CD8B2: variants seen among roughly 807,000 people sequenced by gnomAD.
CD8B2 encodes the protein CD8B family member 2, also known as T-cell surface glycoprotein CD8 beta-2 chain.
A neutral mutation model predicts 23.7 loss-of-function variants in CD8B2; 11 were observed. That is an observed-to-expected ratio of 0.46 (90% CI 0.29 to 0.77). The LOEUF is 0.77. Among genes scored for constraint, CD8B2 ranks in the 30% least tolerant of loss-of-function variants. The pLI, the probability that CD8B2 is intolerant of heterozygous loss-of-function variation, is 0.09. For synonymous variants in CD8B2, 90 were observed against 109.3 expected (o/e 0.82, Z 1.10); for missense variants, 197 against 270.5 (o/e 0.73, Z 1.91).
At chr2:106,517,467 C>T (rs1031739974) in intron 5 of CD8B2, among the ~76,000 whole-genome samples, 4 of 152,086 alleles carry the variant, frequency 2.6e-5, no homozygotes, top group African/African-American at 9.7e-5. Context: ...CGCTGACTCT[C>T]GGTTGCCTGT....
At chr2:106,531,257 A>G (rs566004077) in intron 5 of CD8B2, among the ~76,000 whole-genome samples, 18 of 152,308 alleles carry the variant, frequency 1.2e-4, no homozygotes, top group African/African-American at 4.1e-4. Flanking sequence ...ACACTCAGAC[A>G]TAGTAGATAC....
At chr2:106,515,041 G>T (rs1679706286), downstream of CD8B2, among the ~76,000 whole-genome samples, 1 of 152,220 alleles carries the variant, frequency 6.6e-6, no homozygotes, top group African/African-American at 2.4e-5. Context: ...AAAACAGTCT[G>T]CCTCTCCCAG....
chr2:106,536,936 C>G (rs1226336156), intron 5 of CD8B2, among the ~76,000 whole-genome samples: 1 of 152,238 alleles, frequency 6.6e-6, no homozygotes, highest in Non-Finnish European at 1.5e-5. Flanking sequence ...GGCTGTCCAG[C>G]AGGCTAACTG....
At chr2:106,536,794 G>A (rs1680097650) in intron 5 of CD8B2, among the ~76,000 whole-genome samples, 1 of 152,136 alleles carries the variant, frequency 6.6e-6, no homozygotes, top group African/African-American at 2.4e-5. Context: ...AGTTAATTAT[G>A]GGTGTGATGT....
chr2:106,495,410 G>A (rs1448948979), intron 2 of CD8B2, among the ~76,000 whole-genome samples: 3 of 152,178 alleles, frequency 2.0e-5, no homozygotes, highest in South Asian at 2.1e-4. Flanking sequence ...GCAGTGGTAC[G>A]CGCCTGTAAT....
chr2:106,487,716 A>G (rs1416524041), intron 1 of CD8B2, among the ~76,000 whole-genome samples: 1 of 152,174 alleles, frequency 6.6e-6, no homozygotes, highest in Non-Finnish European at 1.5e-5. Flanking sequence ...GCCTGGACGC[A>G]GGAGAAGGGG....
intron 5 of CD8B2, among the ~76,000 whole-genome samples, chr2:106,538,580 T>C (rs1486997288): frequency 6.6e-6 from 1 of 152,136 alleles, no homozygotes; most frequent in African/African-American, 2.4e-5. Context: ...CTTTGCGCTA[T>C]CTAGAGCCGA....
At chr2:106,497,475 G>A (rs1679321818) in intron 3 of CD8B2, among the ~76,000 whole-genome samples, 1 of 152,106 alleles carries the variant, frequency 6.6e-6, no homozygotes, top group East Asian at 1.9e-4. Context: ...CAGCCCAAAC[G>A]TGTTTCTGGA....
intron 2 of CD8B2, among the ~76,000 whole-genome samples, chr2:106,494,535 C>T (rs1679263044): frequency 6.6e-6 from 1 of 151,884 alleles, no homozygotes; most frequent in Non-Finnish European, 1.5e-5. Context: ...TACTCCCTCT[C>T]CTTCCATTTT....
chr2:106,527,940 C>T (rs1679937873), intron 5 of CD8B2, among the ~76,000 whole-genome samples: 1 of 152,180 alleles, frequency 6.6e-6, no homozygotes. Context: ...TGGCTCAATG[C>T]AATTATTTTC....
intron 2 of CD8B2, among the ~76,000 whole-genome samples, chr2:106,494,666 C>T (rs1456914311): frequency 6.6e-6 from 1 of 152,096 alleles, no homozygotes; most frequent in Non-Finnish European, 1.5e-5. Flanking sequence ...TCTTCCTTTG[C>T]TCTGGGTGCC....
chr2:106,505,681 C>T (rs1160701805), intron 5 of CD8B2, among the ~76,000 whole-genome samples: 4 of 152,162 alleles, frequency 2.6e-5, no homozygotes, highest in African/African-American at 4.8e-5. Context: ...ATATTTATAT[C>T]GAGAGTGGCT....
rs1014897617 is a variant in CD8B2, at chr2:106,508,817, A to G, written c.*1877A>G. ...TCAATCCAGGGCAGTCTCCCTTTCC[A>G]TCTGAGATGCAGTGGAAGGGGGAGG... On this transcript the variant is annotated 3_prime_UTR_variant, in exon 6 of 6. Transcript: ENST00000643224. 3.1e-4 allele frequency: 47 copies of G among 152,380 alleles called. No homozygotes were observed. The highest frequency in any genetic ancestry group is 1.1e-3 in the African/African-American group (44 of 41,566). 9.4% of individuals were successfully genotyped at this position (152,380 alleles called of 1,614,324 possible). A position where few individuals can be genotyped will look rare whatever the true frequency, so the allele number is the denominator to read the frequency against.
intron 5 of CD8B2, among the ~76,000 whole-genome samples, chr2:106,504,613 G>A (rs1679471097): frequency 6.6e-6 from 1 of 152,040 alleles, no homozygotes; most frequent in Non-Finnish European, 1.5e-5. Context: ...TGTATAAATA[G>A]GTGGGGTGAT....
At chr2:106,528,271 T>G (rs1464091946) in intron 5 of CD8B2, among the ~76,000 whole-genome samples, 2 of 152,258 alleles carry the variant, frequency 1.3e-5, no homozygotes, top group East Asian at 1.9e-4. Flanking sequence ...TTAGAGTTAT[T>G]GTGATTTTAG....
chr2:106,507,238 C>T lies in CD8B2; in HGVS notation c.*298C>T, dbSNP rs1405501175. On this transcript the variant is annotated 3_prime_UTR_variant, in exon 6 of 6. Coordinates refer to ENST00000643224, the MANE Select transcript of CD8B2 (RefSeq NM_001349727.2). ...CCACCGCTTCCGGCTCCTGTGCTTT[C>T]CCTGAGCTGGGACCTTTAGTGGTGG... 6 of 1,215,318 alleles carry T rather than the reference C, an allele frequency of 4.9e-6. No individual in the cohort carries two copies. The highest frequency in any genetic ancestry group is 6.2e-6 in the Non-Finnish European group (6 of 972,502). The allele number at this position is 1,215,318 out of a possible 1,614,324, so 75.3% of individuals were successfully genotyped here. A position where few individuals can be genotyped will look rare whatever the true frequency, so the allele number is the denominator to read the frequency against.
intron 4 of CD8B2, among the ~76,000 whole-genome samples, chr2:106,502,872 G>A (rs1679439087): frequency 6.6e-6 from 1 of 151,710 alleles, no homozygotes; most frequent in African/African-American, 2.4e-5. Context: ...TCCCAGAGTT[G>A]CTGTTTGTAA....
intron 5 of CD8B2, among the ~76,000 whole-genome samples, chr2:106,523,824 G>A (rs1679864871): frequency 6.6e-6 from 1 of 152,194 alleles, no homozygotes; most frequent in Admixed American, 6.5e-5. Context: ...GGGAAGGAAT[G>A]AGGAAGGTGT....
downstream of CD8B2, among the ~76,000 whole-genome samples, chr2:106,513,473 G>A (rs6713541): frequency 0.82 from 120,847 of 147,798 alleles, 47,026 homozygotes; most frequent in South Asian, 0.83. Context: ...CAAAAAAGTT[G>A]TGTTTGGCTG....
Sources: allele counts gnomAD v4.1 joint callset (sites outside exome capture counted in the v4.1 genomes callset), GRCh38; gene constraint gnomAD v4.1.1; transcripts MANE v1.5; gene names NCBI Gene and HGNC (gene_info 2026-07-23, HGNC 2026-07-21).